Variants in DPP6 observed in about 807,000 individuals in gnomAD.
DPP6 encodes dipeptidyl peptidase like 6, also known as A-type potassium channel modulatory protein DPP6.
DPP6 carries 69 observed loss-of-function variants against 122.6 expected under a neutral mutation model. That is an observed-to-expected ratio of 0.56 (90% CI 0.46 to 0.69). The LOEUF (loss-of-function observed/expected upper bound fraction) is 0.69, where lower values mean the gene tolerates loss of function less well. DPP6 is among the 30% of genes least tolerant of loss of function. The pLI, the probability that DPP6 is intolerant of heterozygous loss-of-function variation, is 0.00. For missense variants in DPP6, 928 were observed against 1,116.9 expected (o/e 0.83, Z 2.41); for synonymous variants, 418 against 433.1 (o/e 0.97, Z 0.43).
At chr7:154,245,155 G>A (rs1005564238) in intron 1 of DPP6, among the ~76,000 whole-genome samples, 2 of 151,372 alleles carry the variant, frequency 1.3e-5, no homozygotes, top group East Asian at 4.0e-4. Flanking sequence ...GTTTCAACAT[G>A]TTGGCCAGGC....
intron 2 of DPP6, among the ~76,000 whole-genome samples, chr7:154,472,904 CAAAT>C (rs1438346689): frequency 2.0e-5 from 3 of 152,112 alleles, no homozygotes; most frequent in Non-Finnish European, 2.9e-5. Flanking sequence ...CTTTAAAAAA[CAAAT>C]AAAATTACAG....
chr7:154,151,273 C>T (rs1312587249), intron 1 of DPP6, among the ~76,000 whole-genome samples: 1 of 152,168 alleles, frequency 6.6e-6, no homozygotes, highest in Non-Finnish European at 1.5e-5. Flanking sequence ...ATCCAGGTCA[C>T]CTCCTCCCTA....
chr7:154,574,666 G>T (rs1214322087), intron 5 of DPP6, among the ~76,000 whole-genome samples: 3 of 142,524 alleles, frequency 2.1e-5, no homozygotes, highest in African/African-American at 5.2e-5. Flanking sequence ...GTTTGTGTAT[G>T]TGTGTGGTGT....
At chr7:154,061,524 A>C (rs1454927643) in intron 1 of DPP6, among the ~76,000 whole-genome samples, 2 of 147,084 alleles carry the variant, frequency 1.4e-5, no homozygotes, top group African/African-American at 5.0e-5. Flanking sequence ...AAATAAGCTG[A>C]TTCTTGGGCA....
chr7:154,743,535 G>A (rs376917550), intron 8 of DPP6, among the ~76,000 whole-genome samples: 4 of 152,216 alleles, frequency 2.6e-5, no homozygotes, highest in Admixed American at 6.5e-5. Context: ...CTGAATTTTC[G>A]TTAAGCTGCT....
chr7:153,865,375 T>G, the DPP6 span, among the ~76,000 whole-genome samples: 1 of 152,182 alleles, frequency 6.6e-6, no homozygotes, highest in Non-Finnish European at 1.5e-5. Flanking sequence ...GATGGTAGGT[T>G]AATTGATAAC....
At chr7:154,509,262 A>G (rs945828328) in intron 3 of DPP6, among the ~76,000 whole-genome samples, 6 of 152,244 alleles carry the variant, frequency 3.9e-5, no homozygotes, top group African/African-American at 1.4e-4. Context: ...CAGACTATAT[A>G]AGAATGCTTA....
At chr7:154,620,036 G>T (rs146101758) in intron 5 of DPP6, among the ~76,000 whole-genome samples, 105 of 152,242 alleles carry the variant, frequency 6.9e-4, no homozygotes, top group African/African-American at 2.2e-3. Flanking sequence ...CCAGGAATCC[G>T]CACATTTCAC....
chr7:154,106,251 C>T (rs1806153785), intron 1 of DPP6, among the ~76,000 whole-genome samples: 1 of 128,724 alleles, frequency 7.8e-6, no homozygotes, highest in South Asian at 2.9e-4. Context: ...AACTTATGTT[C>T]ATGTGTCTGC....
At chr7:153,792,094 C>G in the DPP6 span, among the ~76,000 whole-genome samples, 12 of 152,252 alleles carry the variant, frequency 7.9e-5, no homozygotes, top group Non-Finnish European at 1.0e-4. Flanking sequence ...CATGCACATA[C>G]TACTCTTATT....
chr7:154,319,676 T>C (rs1460492154), intron 1 of DPP6, among the ~76,000 whole-genome samples: 4 of 146,784 alleles, frequency 2.7e-5, no homozygotes, highest in East Asian at 2.0e-4. Context: ...GCCTGGGCAA[T>C]AGGAGTGAGA....
chr7:154,491,390 C>A (rs1239793422), intron 3 of DPP6, among the ~76,000 whole-genome samples: 1 of 152,182 alleles, frequency 6.6e-6, no homozygotes, highest in Non-Finnish European at 1.5e-5. Flanking sequence ...CCTGATTGCT[C>A]AGATCCCACA....
At chr7:153,749,700 C>T in the DPP6 span, among the ~76,000 whole-genome samples, 1 of 152,134 alleles carries the variant, frequency 6.6e-6, no homozygotes, top group Non-Finnish European at 1.5e-5. This position sits in a 1 kb window ranked among gnomAD's most constrained non-coding sequence, Gnocchi z 4.1. Context: ...CTGTGGGGCC[C>T]GGCCACCCTT....
intron 16 of DPP6, among the ~76,000 whole-genome samples, chr7:154,818,727 A>C (rs1799573584): frequency 6.6e-6 from 1 of 152,228 alleles, no homozygotes; most frequent in African/African-American, 2.4e-5. Context: ...GTGAATGTTT[A>C]GAACCGGTTT....
the DPP6 span, among the ~76,000 whole-genome samples, chr7:153,858,326 G>T: frequency 6.6e-6 from 1 of 152,188 alleles, no homozygotes; most frequent in East Asian, 1.9e-4. Context: ...TCACCCAGGG[G>T]ATTGGTTCTG....
At chr7:153,774,020 C>A in the DPP6 span, among the ~76,000 whole-genome samples, 8 of 151,842 alleles carry the variant, frequency 5.3e-5, no homozygotes, top group African/African-American at 1.5e-4. Context: ...ATTAAATGAA[C>A]AATTCTATGC....
chr7:153,892,440 A>T (rs1799242728), intron 1 of DPP6, among the ~76,000 whole-genome samples: 1 of 152,026 alleles, frequency 6.6e-6, no homozygotes, highest in African/African-American at 2.4e-5. Flanking sequence ...CAGCCTCCCA[A>T]GTAGCTAGGA....
chr7:154,723,467 T>TAA lies in DPP6; in HGVS notation c.763-4300_763-4299insAA, dbSNP rs1208571045. On this transcript the variant is annotated intron_variant, in intron 7 of 25. Coordinates refer to ENST00000377770, the MANE Select transcript of DPP6 (RefSeq NM_130797.4). ...TTGTAGGCTTACAACACATTTATTT[T>TAA]TAAAAAAAAAAAAAGCTAAAACTTA... is the stretch of plus-strand genomic sequence containing the variant. Among the ~76,000 whole-genome samples the TAA allele has an allele frequency of 1.1e-3, 96 of 89,294 alleles. 1 individual carries two copies. Among genetic ancestry groups the TAA allele is most frequent in the South Asian group, 9.8e-3 (21 of 2,134 alleles). 58.6% of individuals were successfully genotyped at this position (89,294 alleles called of 152,430 possible).
Position 154,821,617 on chromosome 7 carries a change from ATT to A in DPP6, c.1666+14512_1666+14513del, listed in dbSNP as rs79857133. ...ATGTTAAGTGAATATATATATATAT[ATT>A]TTTTTTCTGTATATATATATATATA... On this transcript the variant is annotated intron_variant, in intron 16 of 25. Transcript: ENST00000377770. The surrounding 1 kb of genome is among the most constrained non-coding windows in gnomAD (Gnocchi z 4.2). Among the ~76,000 whole-genome samples, 56 of 97,818 alleles carry A rather than the reference ATT, an allele frequency of 5.7e-4. No homozygotes were observed. The highest frequency in any genetic ancestry group is 4.5e-3 in the South Asian group (15 of 3,358). 64.2% of individuals were successfully genotyped at this position (97,818 alleles called of 152,430 possible).
Sources: gnomAD v4.1 joint callset for allele counts (sites outside exome capture counted in the v4.1 genomes callset) on GRCh38, gnomAD v4.1.1 for gene constraint, Gnocchi (gnomAD v3.1) non-coding constraint, MANE v1.5 for transcripts, NCBI Gene and HGNC (gene_info 2026-07-23, HGNC 2026-07-21) for gene names.